PAMR1: variants seen among roughly 807,000 people sequenced by gnomAD.
PAMR1 encodes peptidase domain containing associated with muscle regeneration 1, also known as inactive serine protease PAMR1.
PAMR1 carries 88 observed loss-of-function variants against 81.8 expected under a neutral mutation model. That is an observed-to-expected ratio of 1.08 (90% CI 0.91 to 1.28). PAMR1 has a LOEUF of 1.28. PAMR1 is among the 50% of genes most tolerant of loss of function. The pLI is 0.00. For synonymous variants in PAMR1, 336 were observed against 345.3 expected (o/e 0.97, Z 0.30); for missense variants, 935 against 919.7 (o/e 1.02, Z -0.21).
chr11:35,499,857 A>C (rs945024874), intron 1 of PAMR1, among the ~76,000 whole-genome samples: 11 of 152,228 alleles, frequency 7.2e-5, no homozygotes, highest in Admixed American at 2.6e-4. Flanking sequence ...CTAGTTTAAG[A>C]ATTTTGAGAT....
At chr11:35,515,838 CTCT>C in intron 1 of PAMR1, among the ~76,000 whole-genome samples, 1 of 130,962 alleles carries the variant, frequency 7.6e-6, no homozygotes, top group Middle Eastern at 3.8e-3. Context: ...TTTTGGGATT[CTCT>C]TTTTTTTTCT....
chr11:35,491,798 G>T (rs779909345), intron 3 of PAMR1, among the ~76,000 whole-genome samples: 1 of 152,190 alleles, frequency 6.6e-6, no homozygotes. Flanking sequence ...GAAAGCCTTG[G>T]CCTCACTTAG....
chr11:35,483,905 A>T (rs1850448599), intron 3 of PAMR1, among the ~76,000 whole-genome samples: 1 of 152,198 alleles, frequency 6.6e-6, no homozygotes. Context: ...TTTGCCATAC[A>T]ATACTTTGTC....
intron 1 of PAMR1, among the ~76,000 whole-genome samples, chr11:35,523,015 C>T (rs1005088146): frequency 6.6e-6 from 1 of 152,130 alleles, no homozygotes; most frequent in African/African-American, 2.4e-5. Context: ...CTCCATGATC[C>T]CATCATTAAA....
chr11:35,466,530 A>G (rs1488794527), intron 6 of PAMR1, among the ~76,000 whole-genome samples: 1 of 152,062 alleles, frequency 6.6e-6, no homozygotes, highest in Non-Finnish European at 1.5e-5. Context: ...GATCAAGACC[A>G]TCCTGGCTAA....
chr11:35,431,947 T>C lies in PAMR1; in HGVS notation c.*409A>G. 1 of 205,264 alleles carries C rather than the reference T, an allele frequency of 4.9e-6. No homozygotes were observed. The highest frequency in any genetic ancestry group is 9.9e-6 in the Non-Finnish European group (1 of 101,124). The allele number at this position is 205,264 out of a possible 1,614,324, so 12.7% of individuals were successfully genotyped here. Reference sequence around the variant, plus strand: ...GGCATGCACCACATCCCAGCTCTGCTGCCCTGGGCTGTCCCACAGGCAGCT... The same window carrying C: ...GGCATGCACCACATCCCAGCTCTGCCGCCCTGGGCTGTCCCACAGGCAGCT... On this transcript the variant is annotated 3_prime_UTR_variant, in exon 11 of 11. Transcript: ENST00000619888.
At chr11:35,473,824 C>A (rs1222061515) in intron 4 of PAMR1, among the ~76,000 whole-genome samples, 1 of 152,136 alleles carries the variant, frequency 6.6e-6, no homozygotes, top group Admixed American at 6.5e-5. Flanking sequence ...TTCACTGTCA[C>A]CACAGGGTTA....
chr11:35,500,273 A>T (rs1850807372), intron 1 of PAMR1, among the ~76,000 whole-genome samples: 1 of 152,238 alleles, frequency 6.6e-6, no homozygotes, highest in Non-Finnish European at 1.5e-5. Flanking sequence ...AGGTTAGCCC[A>T]CAGCAAGTCT....
intron 6 of PAMR1, among the ~76,000 whole-genome samples, chr11:35,445,824 T>C (rs1856278881): frequency 6.6e-6 from 1 of 152,232 alleles, no homozygotes; most frequent in South Asian, 2.1e-4. Flanking sequence ...CAGGTTTTGT[T>C]ATCAGGATGA....
chr11:35,501,629 C>T (rs1850845861), intron 1 of PAMR1, among the ~76,000 whole-genome samples: 1 of 151,686 alleles, frequency 6.6e-6, no homozygotes, highest in African/African-American at 2.4e-5. Context: ...ACATATTAGC[C>T]TAGGCCTACA....
upstream of PAMR1, chr11:35,530,209 G>A (rs1435775835): frequency 1.3e-5 from 2 of 152,240 alleles, no homozygotes; most frequent in African/African-American, 4.8e-5. Context: ...GGCCAGAGAT[G>A]GAGAAGGGCA....
upstream of PAMR1, chr11:35,525,892 G>A (rs1265018552): frequency 4.3e-6 from 2 of 467,880 alleles, no homozygotes; most frequent in African/African-American, 2.0e-5. Context: ...CCTGGGTACA[G>A]GTGGGGTCCC....
chr11:35,482,694 T>G (rs1850418844), intron 3 of PAMR1, among the ~76,000 whole-genome samples: 1 of 152,230 alleles, frequency 6.6e-6, no homozygotes, highest in Non-Finnish European at 1.5e-5. Flanking sequence ...CATGTGTTTG[T>G]GTCCTCGCTC....
At chr11:35,491,483 G>C (rs1850624892) in intron 3 of PAMR1, among the ~76,000 whole-genome samples, 1 of 152,162 alleles carries the variant, frequency 6.6e-6, no homozygotes, top group Non-Finnish European at 1.5e-5. Context: ...CACTGTCGGG[G>C]GGAATCTTGG....
At position 35,434,624 on chromosome 11, in the gene PAMR1, C is replaced by T. The variant is rs1241412778; in HGVS notation, c.1514G>A (p.Cys505Tyr). The T allele has an allele frequency of 1.2e-6, 2 of 1,614,016 alleles. No individual in the cohort carries two copies. The highest frequency in any genetic ancestry group is 1.7e-6 in the Non-Finnish European group (2 of 1,180,024). ...NERTVVVAAH[C>Y]VTDLGKVTMI... ...GGTGACCTTCCCCAGGTCAGTAACACAGTGGGCAGCCACCACCACAGTGCG... is the reference window on the plus strand; with the variant it reads ...GGTGACCTTCCCCAGGTCAGTAACATAGTGGGCAGCCACCACCACAGTGCG... Residue 505 changes from cysteine to tyrosine, a missense_variant, in exon 10 of 11, where the codon TGT (cysteine) becomes TAT (tyrosine). By Grantham distance (194) the Cys-to-Tyr change is radical. Transcript: ENST00000619888.
At chr11:35,508,988 G>T (rs937668948) in intron 1 of PAMR1, among the ~76,000 whole-genome samples, 2 of 152,070 alleles carry the variant, frequency 1.3e-5, no homozygotes, top group Non-Finnish European at 1.5e-5. Flanking sequence ...TTGCTATTAT[G>T]AATAGTGCCC....
chr11:35,494,502 T>G (rs1457664255), intron 1 of PAMR1, among the ~76,000 whole-genome samples: 1 of 152,068 alleles, frequency 6.6e-6, no homozygotes, highest in Non-Finnish European at 1.5e-5. Flanking sequence ...CCAGGCTAAT[T>G]TTTTGTATTT....
chr11:35,499,403 T>A (rs1247108401), intron 1 of PAMR1, among the ~76,000 whole-genome samples: 1 of 152,128 alleles, frequency 6.6e-6, no homozygotes. Flanking sequence ...AAGCACTACA[T>A]CCTTCTAGGT....
intron 1 of PAMR1, among the ~76,000 whole-genome samples, chr11:35,505,599 T>A (rs1850934424): frequency 6.6e-6 from 1 of 152,182 alleles, no homozygotes; most frequent in Non-Finnish European, 1.5e-5. Flanking sequence ...TTCTTCATAT[T>A]ATATAGTGAC....
Sources: gnomAD v4.1 joint callset for allele counts (sites outside exome capture counted in the v4.1 genomes callset) on GRCh38, gnomAD v4.1.1 for gene constraint, MANE v1.5 for transcripts, NCBI Gene and HGNC (gene_info 2026-07-23, HGNC 2026-07-21) for gene names.